The following DPP10 variants were observed in gnomAD, a reference collection of about 807,000 sequenced individuals.
The protein encoded by DPP10 is inactive dipeptidyl peptidase 10.
In DPP10, 33 loss-of-function variants were observed where a neutral mutation model predicts 120.9. That is an observed-to-expected ratio of 0.27 (90% CI 0.21 to 0.37). The LOEUF is 0.37. Among genes scored for constraint, DPP10 ranks in the 10% least tolerant of loss-of-function variants. The probability of loss-of-function intolerance (pLI) is 1.00; values close to 1 mark genes in which losing one functional copy is unlikely to be tolerated. For synonymous variants in DPP10, 337 were observed against 326.1 expected (o/e 1.03, Z -0.36); for missense variants, 816 against 942.8 (o/e 0.87, Z 1.76).
At chr2:115,332,433 G>T (rs1272115649) in intron 2 of DPP10, among the ~76,000 whole-genome samples, 1 of 151,998 alleles carries the variant, frequency 6.6e-6, no homozygotes, top group Non-Finnish European at 1.5e-5. Context: ...CTTCAGTTCT[G>T]CTCTGATCTT....
At position 115,264,180 on chromosome 2, in the gene DPP10, C is replaced by A. The variant is rs999632742; in HGVS notation, c.61-45059C>A. 8.5e-5 allele frequency among the ~76,000 whole-genome samples: 13 copies of A among 152,176 alleles called. No homozygotes were observed. In the East Asian group the frequency reaches 2.3e-3, roughly 27 times the overall value. ...AATTTGGTGGACATATTCTTATAAT[C>A]TGAGTTACAAATCAATTTATTAAAA... On this transcript the variant is annotated intron_variant, in intron 1 of 25. Transcript: ENST00000410059.
intron 1 of DPP10, among the ~76,000 whole-genome samples, chr2:115,279,861 C>T (rs184089347): frequency 6.6e-6 from 1 of 151,902 alleles, no homozygotes; most frequent in East Asian, 1.9e-4. Context: ...AGGGTTTCAC[C>T]ATGTTGACCA....
At position 115,707,421 on chromosome 2, in the gene DPP10, TACACACACACAC is replaced by T. The variant is rs35961586; in HGVS notation, c.576+17531_576+17542del. On this transcript the variant is annotated intron_variant, in intron 7 of 25. Coordinates refer to ENST00000410059, the MANE Select transcript of DPP10 (RefSeq NM_020868.6). Reference sequence around the variant, plus strand: ...AATTAAGTAAGAAACAAACAAATTTTACACACACACACACACACACACACACACACACACACA... The same window carrying T: ...AATTAAGTAAGAAACAAACAAATTTTACACACACACACACACACACACACA... Among the ~76,000 whole-genome samples the T allele has an allele frequency of 1.5e-3, 214 of 138,798 alleles. 1 individual carries two copies. Among genetic ancestry groups the T allele is most frequent in the African/African-American group, 3.9e-3 (147 of 37,510 alleles). 91.1% of individuals were successfully genotyped at this position (138,798 alleles called of 152,430 possible).
At chr2:115,619,327 G>A (rs542151338) in intron 5 of DPP10, among the ~76,000 whole-genome samples, 107 of 151,612 alleles carry the variant, frequency 7.1e-4, no homozygotes, top group Admixed American at 1.4e-3. Context: ...CGCCCGCGTC[G>A]GCATCCCAAA....
chr2:115,034,744 T>G (rs927136390), intron 1 of DPP10, among the ~76,000 whole-genome samples: 5 of 152,210 alleles, frequency 3.3e-5, no homozygotes. Flanking sequence ...TCTTCCTCAC[T>G]TACTATATCC....
chr2:114,610,890 C>T (rs1693229684), intron 1 of DPP10, among the ~76,000 whole-genome samples: 1 of 151,964 alleles, frequency 6.6e-6, no homozygotes, highest in Admixed American at 6.6e-5. Flanking sequence ...CCTTATCCCT[C>T]CCCTCAGGCC....
At chr2:115,158,792 C>CT (rs1289186257) in intron 1 of DPP10, among the ~76,000 whole-genome samples, 2 of 151,808 alleles carry the variant, frequency 1.3e-5, no homozygotes, top group South Asian at 2.1e-4. Context: ...CTCTGTGAAT[C>CT]TTTTTTTTAA....
chr2:114,930,019 C>T (rs1030658622), intron 1 of DPP10, among the ~76,000 whole-genome samples: 9 of 152,136 alleles, frequency 5.9e-5, no homozygotes, highest in Non-Finnish European at 1.0e-4. Context: ...GAGCAGTATC[C>T]CAGGGAGGCA....
intron 17 of DPP10, among the ~76,000 whole-genome samples, chr2:115,787,118 C>T (rs1281945023): frequency 6.6e-6 from 1 of 152,202 alleles, no homozygotes; most frequent in African/African-American, 2.4e-5. Flanking sequence ...AAATGGTCAA[C>T]CTGCCTGCAA....
intron 1 of DPP10, among the ~76,000 whole-genome samples, chr2:114,483,415 T>G (rs2104691120): frequency 6.6e-6 from 1 of 152,132 alleles, no homozygotes; most frequent in East Asian, 1.9e-4. Context: ...TTAAAACAAG[T>G]ACCATAAAGT....
intron 1 of DPP10, among the ~76,000 whole-genome samples, chr2:115,277,278 C>T (rs758522409): frequency 2.4e-4 from 37 of 152,086 alleles, no homozygotes; most frequent in Middle Eastern, 3.4e-3. Context: ...GTCCAGAAAA[C>T]GCTGCAAACT....
chr2:114,708,332 T>C (rs948646159), intron 1 of DPP10, among the ~76,000 whole-genome samples: 1 of 152,116 alleles, frequency 6.6e-6, no homozygotes, highest in East Asian at 1.9e-4. Flanking sequence ...GATATCCTGT[T>C]CCAGGAGGGA....
intron 3 of DPP10, among the ~76,000 whole-genome samples, chr2:115,484,714 AG>A (rs1337150619): frequency 6.6e-6 from 1 of 152,108 alleles, no homozygotes; most frequent in Non-Finnish European, 1.5e-5. Context: ...ACAACACTGA[AG>A]TATCTGTATC....
chr2:114,697,398 G>A (rs550740691), intron 1 of DPP10, among the ~76,000 whole-genome samples: 1 of 152,098 alleles, frequency 6.6e-6, no homozygotes, highest in East Asian at 1.9e-4. Context: ...TAAATTCATG[G>A]TAAGTTATGC....
At chr2:114,623,452 T>C (rs775796751) in intron 1 of DPP10, among the ~76,000 whole-genome samples, 1 of 152,108 alleles carries the variant, frequency 6.6e-6, no homozygotes, top group African/African-American at 2.4e-5. Flanking sequence ...TTTGTTCAAA[T>C]AGTATTTTGA....
intron 1 of DPP10, among the ~76,000 whole-genome samples, chr2:114,986,763 C>G (rs1700418697): frequency 6.6e-6 from 1 of 152,056 alleles, no homozygotes; most frequent in Non-Finnish European, 1.5e-5. Flanking sequence ...TGTTGTAGGA[C>G]AGGTTTTTTT....
chr2:114,460,471 G>A (rs962829175), intron 1 of DPP10, among the ~76,000 whole-genome samples: 4 of 152,018 alleles, frequency 2.6e-5, no homozygotes, highest in African/African-American at 9.7e-5. Flanking sequence ...CTGAGTATAT[G>A]ATTTAGATGT....
At chr2:114,507,173 G>A (rs900227176) in intron 1 of DPP10, among the ~76,000 whole-genome samples, 6 of 150,628 alleles carry the variant, frequency 4.0e-5, no homozygotes, top group Non-Finnish European at 7.4e-5. Flanking sequence ...TCAGCCTCTC[G>A]AATAGCTGAG....
At chr2:115,139,724 T>TAAAAAAAAAAAAAAAA (rs55826687) in intron 1 of DPP10, among the ~76,000 whole-genome samples, 6 of 56,634 alleles carry the variant, frequency 1.1e-4, no homozygotes, top group East Asian at 7.0e-4. Flanking sequence ...GTAAAAATAC[T>TAAAAAAAAAAAAAAAA]AAAAAAAAAA....
Sources: gnomAD v4.1 joint callset for allele counts (sites outside exome capture counted in the v4.1 genomes callset) on GRCh38, gnomAD v4.1.1 for gene constraint, MANE v1.5 for transcripts, NCBI Gene and HGNC (gene_info 2026-07-23, HGNC 2026-07-21) for gene names.